MMP26: variants seen among roughly 807,000 people sequenced by gnomAD.
MMP26 encodes the protein matrix metalloproteinase-26.
MMP26 carries 33 observed loss-of-function variants against 31.0 expected under a neutral mutation model. The observed-to-expected ratio is 1.06, with a 90% confidence interval of 0.81 to 1.42. The LOEUF is 1.42. MMP26 is among the 40% of genes most tolerant of loss of function. The probability of loss-of-function intolerance (pLI) is 0.00; values close to 1 mark genes in which losing one functional copy is unlikely to be tolerated. For missense variants in MMP26, 347 were observed against 316.1 expected (o/e 1.10, Z -0.74); for synonymous variants, 122 against 114.9 (o/e 1.06, Z -0.40).
intron 1 of MMP26, among the ~76,000 whole-genome samples, chr11:4,766,389 A>G (rs1212013023): frequency 1.3e-5 from 2 of 152,182 alleles, no homozygotes; most frequent in East Asian, 1.9e-4. Context: ...CAGTGTCTTC[A>G]TGGGTCACTC....
chr11:4,982,327 C>T (rs975400846), intron 2 of MMP26, among the ~76,000 whole-genome samples: 15 of 152,032 alleles, frequency 9.9e-5, no homozygotes, highest in Middle Eastern at 3.2e-3. Context: ...TATGACGTTA[C>T]GACAGCTACA....
intron 2 of MMP26, among the ~76,000 whole-genome samples, chr11:4,922,015 T>C (rs980013242): frequency 3.3e-5 from 5 of 152,160 alleles, no homozygotes; most frequent in African/African-American, 1.2e-4. Flanking sequence ...CTCCTACATT[T>C]CTGAGTCACC....
intron 2 of MMP26, among the ~76,000 whole-genome samples, chr11:4,775,856 T>C (rs961093260): frequency 2.6e-5 from 4 of 152,166 alleles, no homozygotes; most frequent in Non-Finnish European, 2.9e-5. Context: ...GCATATATTG[T>C]ATAGTGGTGA....
chr11:4,800,208 CAGGCTTCTGCCT>C (rs986729532), intron 2 of MMP26, among the ~76,000 whole-genome samples: 2 of 152,240 alleles, frequency 1.3e-5, no homozygotes, highest in Non-Finnish European at 1.5e-5. Context: ...TCCCCTGCAG[CAGGCTTCTGCCT>C]AGGCACTCAG....
At chr11:4,863,675 C>T (rs940218404) in intron 2 of MMP26, 1 of 152,150 alleles carries the variant, frequency 6.6e-6, no homozygotes, top group African/African-American at 2.4e-5. Context: ...CTGAGACTAG[C>T]ATGTAGAGCC....
intron 2 of MMP26, among the ~76,000 whole-genome samples, chr11:4,962,219 T>C (rs1846531130): frequency 6.6e-6 from 1 of 152,124 alleles, no homozygotes; most frequent in Non-Finnish European, 1.5e-5. Context: ...GAATCACATA[T>C]AAGCAGATAT....
rs142382417 is a variant in MMP26 at position 4,816,447 on chromosome 11, G to A, written c.-145+49106G>A. On this transcript the variant is annotated intron_variant, in intron 2 of 7. Coordinates refer to ENST00000380390, the MANE Select transcript of MMP26 (RefSeq NM_021801.5). ...CTGGGTGATTTGTTCATTGCTGAAA[G>A]TAGGATGTTGAAGTCCTCTACTATT... 6.2e-3 allele frequency among the ~76,000 whole-genome samples: 941 copies of A among 151,982 alleles called. 14 individuals are homozygous for A. Among genetic ancestry groups the A allele is most frequent in the African/African-American group, 0.022 (901 of 41,462 alleles).
At chr11:4,784,787 C>T (rs1045004406) in intron 2 of MMP26, among the ~76,000 whole-genome samples, 19 of 152,116 alleles carry the variant, frequency 1.2e-4, no homozygotes, top group African/African-American at 3.9e-4. Context: ...AACATAGGCA[C>T]ATAGCATTAT....
intron 2 of MMP26, among the ~76,000 whole-genome samples, chr11:4,899,889 A>G (rs1850775219): frequency 6.6e-6 from 1 of 152,212 alleles, no homozygotes; most frequent in South Asian, 2.1e-4. Context: ...AATTGCAGAA[A>G]TAGGAAACAC....
intron 1 of MMP26, among the ~76,000 whole-genome samples, chr11:4,708,195 A>G (rs1240300482): frequency 6.6e-6 from 1 of 152,158 alleles, no homozygotes; most frequent in African/African-American, 2.4e-5. Flanking sequence ...TCCAACTGAG[A>G]TCCAAGGCTT....
Position 4,947,049 on chromosome 11 carries a change from C to T in MMP26, c.-144-41019C>T, listed in dbSNP as rs368138701. The T allele has an allele frequency of 2.0e-5, 32 of 1,571,458 alleles. No individual in the cohort carries two copies. Among genetic ancestry groups the T allele is most frequent in the Non-Finnish European group, 2.4e-5 (28 of 1,150,494 alleles). On this transcript the variant is annotated intron_variant, in intron 2 of 7. Transcript: ENST00000380390. ...TGTGCATATTCTAGCCCTGGCATCC[C>T]AACCAAGAAGAAGGTGGTGATTTCA...
At chr11:4,856,082 T>C (rs552732877) in intron 2 of MMP26, among the ~76,000 whole-genome samples, 1 of 152,158 alleles carries the variant, frequency 6.6e-6, no homozygotes, top group Admixed American at 6.5e-5. Context: ...GCACTAAACA[T>C]GGAAAGGACA....
At chr11:4,920,775 A>G (rs1433898) in intron 2 of MMP26, among the ~76,000 whole-genome samples, 93,673 of 152,024 alleles carry the variant, frequency 0.62, 29,203 homozygotes, top group African/African-American at 0.7. Context: ...ACCTATATTT[A>G]TGGTTTACCA....
At chr11:4,905,470 T>C (rs1850870201) in intron 2 of MMP26, among the ~76,000 whole-genome samples, 2 of 152,282 alleles carry the variant, frequency 1.3e-5, no homozygotes, top group South Asian at 4.1e-4. Flanking sequence ...AATTCACAGT[T>C]AAGCTTCCAT....
chr11:4,856,769 A>T (rs1317217609), intron 2 of MMP26, among the ~76,000 whole-genome samples: 2 of 152,216 alleles, frequency 1.3e-5, no homozygotes, highest in Non-Finnish European at 2.9e-5. Context: ...CAGAATACAC[A>T]TTCTTCTCAG....
chr11:4,723,801 G>C, intron 1 of MMP26: 1 of 1,570,374 alleles, frequency 6.4e-7, no homozygotes, highest in South Asian at 1.1e-5. Flanking sequence ...GCTGCAGGAG[G>C]CTCCACTTGG....
intron 2 of MMP26, among the ~76,000 whole-genome samples, chr11:4,852,507 T>C (rs1377042275): frequency 6.6e-6 from 1 of 152,136 alleles, no homozygotes; most frequent in African/African-American, 2.4e-5. Context: ...ATTTCTCAAA[T>C]CAATAACCTA....
intron 2 of MMP26, among the ~76,000 whole-genome samples, chr11:4,920,867 A>T (rs939347398): frequency 2.0e-5 from 3 of 152,234 alleles, no homozygotes; most frequent in Non-Finnish European, 4.4e-5. Context: ...GTATACTTTA[A>T]TTCAGAAAAT....
At chr11:4,820,661 GTC>G (rs965160119) in intron 2 of MMP26, among the ~76,000 whole-genome samples, 1 of 151,034 alleles carries the variant, frequency 6.6e-6, no homozygotes, top group African/African-American at 2.4e-5. Flanking sequence ...TGTCATCGTT[GTC>G]TCTCTCCTTT....
Sources: gnomAD v4.1 joint callset for allele counts (sites outside exome capture counted in the v4.1 genomes callset) on GRCh38, gnomAD v4.1.1 for gene constraint, MANE v1.5 for transcripts, NCBI Gene and HGNC (gene_info 2026-07-23, HGNC 2026-07-21) for gene names.